DGKK: variants seen among roughly 807,000 people sequenced by gnomAD.
DGKK encodes 142 kDa diacylglycerol kinase.
A neutral mutation model predicts 92.2 loss-of-function variants in DGKK; 35 were observed. That is an observed-to-expected ratio of 0.38 (90% CI 0.29 to 0.50). The LOEUF is 0.50. Ranked by LOEUF, DGKK falls within the 20% of genes least tolerant of loss-of-function variation. The pLI is 0.92. For missense variants in DGKK, 910 were observed against 992.2 expected (o/e 0.92, Z 1.11); for synonymous variants, 368 against 360.6 (o/e 1.02, Z -0.23).
At chrX:50,428,976 G>C (rs781960195) in intron 1 of DGKK, among the ~76,000 whole-genome samples, 1 of 111,812 alleles carries the variant, frequency 8.9e-6, no homozygotes, top group Non-Finnish European at 1.9e-5. Context: ...ATCTTTACCC[G>C]CTTGGGGCTA....
At chrX:50,449,879 T>A (rs918511569) in intron 1 of DGKK, among the ~76,000 whole-genome samples, 9 of 112,147 alleles carry the variant, frequency 8.0e-5, no homozygotes, top group Non-Finnish European at 9.4e-5. Context: ...TGGCGTTTTT[T>A]AAATATTTTC....
chrX:50,458,120 G>A (rs781974955), intron 1 of DGKK, among the ~76,000 whole-genome samples: 1 of 111,182 alleles, frequency 9.0e-6, no homozygotes, highest in Non-Finnish European at 1.9e-5. Flanking sequence ...TAAACAGGGA[G>A]CGCAAACACA....
chrX:50,393,800 A>T (rs1268435179), intron 8 of DGKK, among the ~76,000 whole-genome samples: 2 of 111,865 alleles, frequency 1.8e-5, no homozygotes, highest in Non-Finnish European at 3.8e-5. Context: ...TAGTGAGAAG[A>T]TACCAGGTCA....
At chrX:50,379,846 T>A in intron 19 of DGKK, 112 bp from the exon 20 acceptor site, 1 of 889,407 alleles carries the variant, frequency 1.1e-6, no homozygotes, top group Non-Finnish European at 1.6e-6. Flanking sequence ...TGGAAATCTA[T>A]CTTCATGCCT....
intron 14 of DGKK, among the ~76,000 whole-genome samples, chrX:50,386,959 T>C (rs1337823885): frequency 9.0e-6 from 1 of 111,003 alleles, no homozygotes; most frequent in African/African-American, 3.3e-5. Context: ...GATATGAACG[T>C]GTCCCTGCTT....
At position 50,371,818 on chromosome X, in the gene DGKK, T is replaced by A. The variant is rs1181730085; in HGVS notation, c.3518A>T (p.Asp1173Val). The A allele has an allele frequency of 3.3e-6, 4 of 1,195,177 alleles. No individual in the cohort carries two copies. The highest frequency in any genetic ancestry group is 1.7e-5 in the African/African-American group (1 of 57,487). ...LDEKLLRSAE[D>V]ETALQSALDA... ...CAGGGCGCTTTGTAGTGCAGTCTCA[T>A]CCTCAGCACTTCTCAGCTGGTACAG... The change falls in exon 26 of 28, where the codon GAT becomes GTT. Residue 1173 changes from aspartate (D) to valine (V), a missense_variant. By Grantham distance (152) the Asp-to-Val change is radical. Coordinates refer to ENST00000611977, the MANE Select transcript of DGKK (RefSeq NM_001013742.4).
intron 5 of DGKK, among the ~76,000 whole-genome samples, chrX:50,403,835 A>G (rs1214725348): frequency 9.0e-6 from 1 of 111,492 alleles, no homozygotes; most frequent in African/African-American, 3.3e-5. Flanking sequence ...TGTCTTTTTA[A>G]CACTTGTGAT....
chrX:50,379,958 A>AGACT lies in DGKK; in HGVS notation c.2754+19_2754+22dup, dbSNP rs782458291. 28 of 1,192,810 alleles carry AGACT rather than the reference A, an allele frequency of 2.3e-5. No homozygotes were observed. The African/African-American group carries it at 3.2e-4, about 13-fold the overall frequency. On this transcript the variant is annotated intron_variant, in intron 19 of 27. Transcript: ENST00000611977. Reference sequence around the variant, plus strand: ...GATTTCCTTTCTCCATACCCAGGAAAGACTACCCGCTTTTCCACTAACCTC... The same window carrying AGACT: ...GATTTCCTTTCTCCATACCCAGGAAAGACTGACTACCCGCTTTTCCACTAACCTC...
intron 26 of DGKK, among the ~76,000 whole-genome samples, chrX:50,370,982 T>A (rs992739796): frequency 1.8e-5 from 2 of 112,341 alleles, no homozygotes; most frequent in Non-Finnish European, 3.8e-5. Flanking sequence ...TTCAGACATA[T>A]AGTTTGGTGA....
Position 50,420,404 on chromosome X carries a change from T to C in DGKK, c.941A>G (p.Lys314Arg), listed in dbSNP as rs1264129706. Reference sequence around the variant, plus strand: ...TGGCTTCTCTACTAGTTTTCTTACCTTATAAATTTCTCCCTGTTGGATGGT... The same window carrying C: ...TGGCTTCTCTACTAGTTTTCTTACCCTATAAATTTCTCCCTGTTGGATGGT... ...IKTIQQGEIY[K>R]IPAAENNPFL... The change falls in exon 4 of 28, where the codon AAG (lysine) becomes AGG (arginine). Residue 314 changes from lysine to arginine, a missense_variant and splice_region_variant. Physicochemically the swap from Lys to Arg is conservative, Grantham distance 26. Coordinates refer to ENST00000611977, the MANE Select transcript of DGKK (RefSeq NM_001013742.4). 30 of 1,204,634 alleles carry C rather than the reference T, an allele frequency of 2.5e-5. No homozygotes were observed. The highest frequency in any genetic ancestry group is 3.3e-5 in the Non-Finnish European group (29 of 890,867).
chrX:50,399,050 G>A (rs1421963950), intron 8 of DGKK, among the ~76,000 whole-genome samples: 1 of 112,221 alleles, frequency 8.9e-6, no homozygotes, highest in African/African-American at 3.2e-5. Flanking sequence ...ATAACTATTT[G>A]AGTAGATCTG....
chrX:50,467,205 T>C (rs5915247), intron 1 of DGKK, among the ~76,000 whole-genome samples: 53 of 112,280 alleles, frequency 4.7e-4, no homozygotes, highest in Non-Finnish European at 8.1e-4. Flanking sequence ...TTCCTGGGAA[T>C]TGAAACATTT....
At chrX:50,387,235 G>A (rs5915428) in intron 14 of DGKK, among the ~76,000 whole-genome samples, 28,191 of 110,993 alleles carry the variant, frequency 0.25, 2,821 homozygotes, top group Middle Eastern at 0.39. Flanking sequence ...TGTATTTGTA[G>A]TGTGTATTCG....
At chrX:50,386,304 CTCTGGAACTTTT>C (rs1262219416) in intron 15 of DGKK, 42 bp downstream of exon 15, 3 of 994,183 alleles carry the variant, frequency 3.0e-6, no homozygotes, top group Non-Finnish European at 4.3e-6. Flanking sequence ...GTAAACCATC[CTCTGGAACTTTT>C]TCTTTCCCCT....
intron 1 of DGKK, among the ~76,000 whole-genome samples, chrX:50,427,823 C>G (rs1028514221): frequency 1.8e-5 from 2 of 110,051 alleles, no homozygotes; most frequent in Non-Finnish European, 3.8e-5. Context: ...AGGGAACTAC[C>G]TGCTATTTAG....
chrX:50,429,628 G>T (rs1925834364), intron 1 of DGKK, among the ~76,000 whole-genome samples: 1 of 112,008 alleles, frequency 8.9e-6, no homozygotes, highest in South Asian at 3.8e-4. Context: ...GGCGGAGCTT[G>T]CAGTGAGCCG....
In DGKK at chrX:50,378,615, G is replaced by T; in HGVS notation, c.2939C>A (p.Ser980Tyr). 1 of 1,209,555 alleles carries T rather than the reference G, an allele frequency of 8.3e-7. No individual in the cohort carries two copies. The highest frequency in any genetic ancestry group is 1.1e-6 in the Non-Finnish European group (1 of 894,498). The change falls in exon 21 of 28, where the codon TCC (serine) becomes TAC (tyrosine). Residue 980 changes from serine to tyrosine, a missense_variant. By Grantham distance (144) the Ser-to-Tyr change is moderately radical. Transcript: ENST00000611977. ...AIFGSVQMAM[S>Y]RIINLHHHRI... ...ATGATGATGCAGGTTGATGATACGG[G>T]ACATTGCCATCTGCACAGAACCAAA... is the stretch of plus-strand genomic sequence containing the variant.
chrX:50,463,741 GA>G (rs1557233656), intron 1 of DGKK, among the ~76,000 whole-genome samples: 1 of 109,870 alleles, frequency 9.1e-6, no homozygotes, highest in African/African-American at 3.3e-5. Context: ...CATTCCTTAA[GA>G]AAAATATTTC....
intron 7 of DGKK, among the ~76,000 whole-genome samples, chrX:50,402,250 A>C (rs782671066): frequency 3.6e-5 from 4 of 110,664 alleles, no homozygotes; most frequent in Non-Finnish European, 7.6e-5. Flanking sequence ...TCTACAAAAA[A>C]ATTAAAAAAT....
Sources: allele counts gnomAD v4.1 joint callset (sites outside exome capture counted in the v4.1 genomes callset), GRCh38; gene constraint gnomAD v4.1.1; transcripts MANE v1.5; gene names NCBI Gene and HGNC (gene_info 2026-07-23, HGNC 2026-07-21).